Variants in ATP6V0E1 observed in about 807,000 individuals in gnomAD.
ATP6V0E1 encodes V-type proton ATPase subunit e 1.
ATP6V0E1 carries 4 observed loss-of-function variants against 11.6 expected under a neutral mutation model. The observed-to-expected ratio is 0.35, with a 90% CI of 0.17 to 0.79. ATP6V0E1 has a LOEUF of 0.79. Ranked by LOEUF, ATP6V0E1 falls within the 30% of genes least tolerant of loss-of-function variation. The pLI, the probability that ATP6V0E1 is intolerant of heterozygous loss-of-function variation, is 0.54. For synonymous variants in ATP6V0E1, 36 were observed against 34.8 expected (o/e 1.04, Z -0.13); for missense variants, 105 against 100.0 (o/e 1.05, Z -0.21).
At chr5:172,988,578 AAAAAAGG>A (rs1414202893) in intron 1 of ATP6V0E1, among the ~76,000 whole-genome samples, 1 of 152,144 alleles carries the variant, frequency 6.6e-6, no homozygotes, top group Non-Finnish European at 1.5e-5. Context: ...GGGGATTTTA[AAAAAAGG>A]AAACATTAAA....
chr5:172,991,458 A>G (rs774324635), intron 1 of ATP6V0E1, among the ~76,000 whole-genome samples: 1 of 152,144 alleles, frequency 6.6e-6, no homozygotes, highest in African/African-American at 2.4e-5. Context: ...GAAGACAGGG[A>G]AGAGATTCCA....
chr5:172,994,164 G>C (rs1328093390), intron 1 of ATP6V0E1, among the ~76,000 whole-genome samples: 1 of 152,174 alleles, frequency 6.6e-6, no homozygotes, highest in Non-Finnish European at 1.5e-5. Context: ...ACAGTATTTG[G>C]TGACTGTGGA....
intron 1 of ATP6V0E1, among the ~76,000 whole-genome samples, chr5:172,989,389 C>T (rs930270969): frequency 6.6e-6 from 1 of 152,162 alleles, no homozygotes; most frequent in African/African-American, 2.4e-5. Context: ...TCATTAGGTC[C>T]TATAACCTCC....
At chr5:172,996,602 A>C (rs1756071447) in intron 2 of ATP6V0E1, among the ~76,000 whole-genome samples, 1 of 151,500 alleles carries the variant, frequency 6.6e-6, no homozygotes, top group African/African-American at 2.4e-5. Flanking sequence ...TACATACATA[A>C]AGTCACATTC....
intron 2 of ATP6V0E1, among the ~76,000 whole-genome samples, chr5:173,009,609 C>T (rs547635454): frequency 2.0e-5 from 3 of 151,078 alleles, no homozygotes; most frequent in East Asian, 3.9e-4. Flanking sequence ...GGATTACAGG[C>T]GTGCACCACC....
intron 2 of ATP6V0E1, among the ~76,000 whole-genome samples, chr5:173,005,969 T>G (rs1756223132): frequency 6.6e-6 from 1 of 152,224 alleles, no homozygotes; most frequent in Non-Finnish European, 1.5e-5. Context: ...AGATATACTC[T>G]CTAAGATTTC....
intron 2 of ATP6V0E1, among the ~76,000 whole-genome samples, chr5:173,004,961 A>G (rs1756208006): frequency 6.6e-6 from 1 of 152,180 alleles, no homozygotes; most frequent in Admixed American, 6.5e-5. Flanking sequence ...ATTAGTGACT[A>G]TATCTTATGA....
At chr5:173,029,178 G>A (rs1442155146) in intron 3 of ATP6V0E1, among the ~76,000 whole-genome samples, 5 of 152,154 alleles carry the variant, frequency 3.3e-5, no homozygotes, top group African/African-American at 9.7e-5. Flanking sequence ...GGAAGACTGG[G>A]CTCCAAAGGG....
intron 2 of ATP6V0E1, among the ~76,000 whole-genome samples, chr5:172,998,493 C>G (rs937296884): frequency 1.3e-5 from 2 of 151,888 alleles, no homozygotes; most frequent in African/African-American, 2.4e-5. Context: ...CACCTGTAGT[C>G]CCAGCTACTT....
At chr5:172,987,759 G>T (rs1755918731) in intron 1 of ATP6V0E1, among the ~76,000 whole-genome samples, 1 of 151,818 alleles carries the variant, frequency 6.6e-6, no homozygotes, top group Non-Finnish European at 1.5e-5. Flanking sequence ...TGTCACCCAG[G>T]CTGGAGTGCA....
intron 2 of ATP6V0E1, among the ~76,000 whole-genome samples, 174 bp downstream of exon 2, chr5:172,994,996 A>G (rs17075485): frequency 0.021 from 3,270 of 152,316 alleles, 70 homozygotes; most frequent in Middle Eastern, 0.048. Context: ...CAGATACTCT[A>G]TCCTTCTGGG....
At chr5:173,015,033 C>T (rs909405052) in intron 2 of ATP6V0E1, among the ~76,000 whole-genome samples, 1 of 152,188 alleles carries the variant, frequency 6.6e-6, no homozygotes, top group Admixed American at 6.5e-5. Context: ...TTGTGTTGAA[C>T]TTAATCAGTG....
chr5:173,019,666 A>C (rs959943167), intron 2 of ATP6V0E1, among the ~76,000 whole-genome samples: 2 of 152,210 alleles, frequency 1.3e-5, no homozygotes, highest in South Asian at 2.1e-4. Flanking sequence ...ACTGGGGAGA[A>C]GGTAAATGCC....
intron 3 of ATP6V0E1, among the ~76,000 whole-genome samples, chr5:173,025,335 G>A (rs1756541958): frequency 6.6e-6 from 1 of 150,592 alleles, no homozygotes; most frequent in Non-Finnish European, 1.5e-5. Context: ...AGTAGAGATA[G>A]GGTTTCGCCA....
Position 173,035,052 on chromosome 5 carries a change from C to T in ATP6V0E1, c.*690C>T, listed in dbSNP as rs796515093. ...AAGACTGGTAAGTGCGTTTCTTAAT[C>T]GTTCAGTAACTATTTGAGTGCCTAC... On this transcript the variant is annotated 3_prime_UTR_variant, in exon 4 of 4. Coordinates refer to ENST00000519374, the MANE Select transcript of ATP6V0E1 (RefSeq NM_003945.4). 10 of 152,658 alleles carry T rather than the reference C, an allele frequency of 6.6e-5. No homozygotes were observed. The highest frequency in any genetic ancestry group is 2.4e-4 in the African/African-American group (10 of 41,552). The allele number at this position is 152,658 out of a possible 1,614,324, so 9.5% of individuals were successfully genotyped here.
intron 1 of ATP6V0E1, among the ~76,000 whole-genome samples, chr5:172,985,764 G>C (rs765539509): frequency 6.6e-6 from 1 of 152,164 alleles, no homozygotes; most frequent in African/African-American, 2.4e-5. Context: ...TAGCCCTAGA[G>C]AGTGTCATGA....
chr5:173,025,503 A>C (rs1327082457), intron 3 of ATP6V0E1, among the ~76,000 whole-genome samples: 2 of 98,788 alleles, frequency 2.0e-5, no homozygotes, highest in Non-Finnish European at 2.0e-5. Flanking sequence ...TATATAAAAT[A>C]CTTTTTTTTT....
chr5:172,991,993 T>C (rs1197133644), intron 1 of ATP6V0E1, among the ~76,000 whole-genome samples: 2 of 118,698 alleles, frequency 1.7e-5, no homozygotes, highest in Non-Finnish European at 3.2e-5. Flanking sequence ...CTTTCTTTCC[T>C]TCTTTCTTCT....
At chr5:173,028,255 C>G (rs1462256028) in intron 3 of ATP6V0E1, among the ~76,000 whole-genome samples, 1 of 152,188 alleles carries the variant, frequency 6.6e-6, no homozygotes. Context: ...GTTAACACAT[C>G]AAGAGATCTA....
Sources: allele counts gnomAD v4.1 joint callset (sites outside exome capture counted in the v4.1 genomes callset), GRCh38; gene constraint gnomAD v4.1.1; transcripts MANE v1.5; gene names NCBI Gene and HGNC (gene_info 2026-07-23, HGNC 2026-07-21).